STXBP5L: variants seen among roughly 807,000 people sequenced by gnomAD.
STXBP5L encodes the protein syntaxin-binding protein 5-like.
A neutral mutation model predicts 144.5 loss-of-function variants in STXBP5L; 65 were observed. The ratio of observed to expected loss-of-function variants is 0.45; its 90% CI spans 0.37 to 0.55. The LOEUF (loss-of-function observed/expected upper bound fraction) is 0.55, where lower values mean the gene tolerates loss of function less well. STXBP5L is among the 20% of genes least tolerant of loss of function. STXBP5L has a pLI of 0.00. For synonymous variants in STXBP5L, 505 were observed against 469.6 expected, an observed-to-expected ratio of 1.08 and a Z score of -0.97; for missense variants, 1,298 against 1,405.5, an observed-to-expected ratio of 0.92 and a Z score of 1.22.
At chr3:121,052,103 A>T (rs1183821012) in intron 5 of STXBP5L, among the ~76,000 whole-genome samples, 1 of 152,202 alleles carries the variant, frequency 6.6e-6, no homozygotes, top group Non-Finnish European at 1.5e-5. Flanking sequence ...CTTACCAACC[A>T]AAAACAGTCC....
At chr3:121,047,489 GTC>G (rs1441763621) in intron 5 of STXBP5L, among the ~76,000 whole-genome samples, 1 of 152,128 alleles carries the variant, frequency 6.6e-6, no homozygotes, top group Non-Finnish European at 1.5e-5. Context: ...GGGAATCTAA[GTC>G]TCTTTGTAGG....
chr3:121,353,561 A>T (rs2045386705), intron 20 of STXBP5L, among the ~76,000 whole-genome samples: 1 of 151,192 alleles, frequency 6.6e-6, no homozygotes, highest in Non-Finnish European at 1.5e-5. Context: ...CATCTATTTG[A>T]TTCTTCTCTC....
intron 22 of STXBP5L, among the ~76,000 whole-genome samples, chr3:121,382,241 C>A (rs2046339189): frequency 6.6e-6 from 1 of 151,800 alleles, no homozygotes; most frequent in African/African-American, 2.4e-5. Context: ...CATTACTCTG[C>A]AGGATAAGGG....
At chr3:121,251,137 T>C (rs1036475037) in intron 15 of STXBP5L, among the ~76,000 whole-genome samples, 1 of 152,148 alleles carries the variant, frequency 6.6e-6, no homozygotes, top group African/African-American at 2.4e-5. Context: ...CACTTTTTTT[T>C]CCCCACTCAT....
rs193244110 is a variant in STXBP5L, at chr3:121,090,789, T to C, written c.471-24136T>C. The stretch of plus-strand genomic sequence containing the variant: ...ATTTTTTTTATTTTTTATTTTTTTA[T>C]TATTATACTTTAAGTTTTAGGGTAC... On this transcript the variant is annotated intron_variant, in intron 5 of 26. Coordinates refer to ENST00000471454, the MANE Select transcript of STXBP5L (RefSeq NM_001308330.2). Among the ~76,000 whole-genome samples, 3 of 152,236 alleles carry C rather than the reference T, an allele frequency of 2.0e-5. No homozygotes were observed. In the East Asian group the frequency reaches 5.8e-4, roughly 29 times the overall value.
chr3:121,080,058 C>A (rs531028020), intron 5 of STXBP5L, among the ~76,000 whole-genome samples: 1 of 152,124 alleles, frequency 6.6e-6, no homozygotes, highest in Non-Finnish European at 1.5e-5. Context: ...TAGACTAATC[C>A]TTTTATCATT....
At chr3:121,375,240 T>C (rs2046148792) in intron 20 of STXBP5L, among the ~76,000 whole-genome samples, 1 of 152,122 alleles carries the variant, frequency 6.6e-6, no homozygotes, top group Non-Finnish European at 1.5e-5. Flanking sequence ...GATATAAACA[T>C]ACAGATATGG....
intron 19 of STXBP5L, among the ~76,000 whole-genome samples, chr3:121,309,150 C>G (rs567509117): frequency 5.5e-4 from 83 of 152,024 alleles, no homozygotes; most frequent in Middle Eastern, 3.4e-3. Context: ...TGTAACCCAA[C>G]TATATCAATA....
chr3:121,074,414 AGAC>A (rs1433815498), intron 5 of STXBP5L, among the ~76,000 whole-genome samples: 7 of 152,258 alleles, frequency 4.6e-5, no homozygotes, highest in Non-Finnish European at 1.5e-5. Context: ...GAGTGTTCCA[AGAC>A]AAGGCACATC....
chr3:121,032,470 A>G (rs1946440693), intron 3 of STXBP5L, among the ~76,000 whole-genome samples: 1 of 152,088 alleles, frequency 6.6e-6, no homozygotes, highest in South Asian at 2.1e-4. Flanking sequence ...TAAAAACCCT[A>G]GAAGAAAACC....
chr3:121,343,637 A>C (rs984553142), intron 20 of STXBP5L, among the ~76,000 whole-genome samples: 1 of 151,940 alleles, frequency 6.6e-6, no homozygotes, highest in Non-Finnish European at 1.5e-5. Context: ...ATGAGTGAAC[A>C]CCCATTCACA....
intron 10 of STXBP5L, among the ~76,000 whole-genome samples, chr3:121,207,518 A>G (rs2048384623): frequency 1.3e-5 from 2 of 152,220 alleles, no homozygotes; most frequent in African/African-American, 4.8e-5. Context: ...TGTCTGGTGA[A>G]AGAAACTACC....
chr3:121,046,344 G>A (rs1306951411), intron 5 of STXBP5L, among the ~76,000 whole-genome samples: 1 of 152,030 alleles, frequency 6.6e-6, no homozygotes, highest in East Asian at 1.9e-4. Flanking sequence ...TTTCTGCCAG[G>A]TTTTGGTATC....
At chr3:121,041,654 T>A (rs760612172) in intron 3 of STXBP5L, 46 bp from the exon 4 acceptor site, 1 of 1,362,002 alleles carries the variant, frequency 7.3e-7, no homozygotes, top group African/African-American at 1.4e-5. Flanking sequence ...CTCATTAATA[T>A]TGGTGCTAAT....
intron 5 of STXBP5L, among the ~76,000 whole-genome samples, chr3:121,076,452 CT>C (rs1327246580): frequency 6.6e-6 from 1 of 152,116 alleles, no homozygotes; most frequent in African/African-American, 2.4e-5. Context: ...CAGTCTCTTT[CT>C]GTGGTTCCTG....
At chr3:121,096,269 GCTT>G (rs2043123430) in intron 5 of STXBP5L, among the ~76,000 whole-genome samples, 1 of 152,068 alleles carries the variant, frequency 6.6e-6, no homozygotes, top group Non-Finnish European at 1.5e-5. Flanking sequence ...CTTTCTTCAC[GCTT>G]CTTAGCTTGC....
chr3:121,405,773 G>C (rs1428710070), intron 22 of STXBP5L, among the ~76,000 whole-genome samples: 2 of 152,046 alleles, frequency 1.3e-5, no homozygotes, highest in East Asian at 3.9e-4. Flanking sequence ...CTTAAACCCT[G>C]TATAAACCTA....
intron 3 of STXBP5L, among the ~76,000 whole-genome samples, chr3:120,998,926 A>T (rs912570538): frequency 9.2e-5 from 14 of 152,226 alleles, no homozygotes; most frequent in Admixed American, 6.5e-4. Context: ...CAATATTGTT[A>T]AGATGGTCAA....
At chr3:121,343,075 A>G (rs1165800436) in intron 20 of STXBP5L, among the ~76,000 whole-genome samples, 2 of 152,012 alleles carry the variant, frequency 1.3e-5, no homozygotes, top group Admixed American at 6.6e-5. Context: ...TGTGGTTTTG[A>G]TTTCCATTTC....
Sources: allele counts gnomAD v4.1 joint callset (sites outside exome capture counted in the v4.1 genomes callset), GRCh38; gene constraint gnomAD v4.1.1; transcripts MANE v1.5; gene names NCBI Gene and HGNC (gene_info 2026-07-23, HGNC 2026-07-21).